ANK3: variants seen among roughly 807,000 people sequenced by gnomAD.
The protein encoded by ANK3 is ankyrin-3.
A neutral mutation model predicts 370.9 loss-of-function variants in ANK3; 57 were observed. The observed-to-expected ratio is 0.15, with a 90% CI of 0.12 to 0.19. ANK3 has a LOEUF of 0.19. Ranked by LOEUF, ANK3 falls within the 10% of genes least tolerant of loss-of-function variation. ANK3 has a pLI of 1.00. For synonymous variants in ANK3, 1,929 were observed against 1,946.3 expected, an observed-to-expected ratio of 0.99 and a Z score of 0.23; for missense variants, 4,439 against 5,302.1, an observed-to-expected ratio of 0.84 and a Z score of 5.06.
chr10:60,029,875 C>CTTTTTCTTTTTTTTTTT (rs2072915122), intron 43 of ANK3, 49 bp from the exon 44 acceptor site: 1 of 68,606 alleles, frequency 1.5e-5, no homozygotes, highest in African/African-American at 6.6e-5. Flanking sequence ...TTTTCTTTTT[C>CTTTTTCTTTTTTTTTTT]TTTTTTTTTT....
chr10:60,387,108 CG>C (rs1220227159), intron 1 of ANK3, among the ~76,000 whole-genome samples: 1 of 151,250 alleles, frequency 6.6e-6, no homozygotes, highest in Non-Finnish European at 1.5e-5. Context: ...TGCAGTGAGC[CG>C]AGATCATGCC....
chr10:60,207,391 T>C lies in ANK3; in HGVS notation c.1194+645A>G, dbSNP rs1450270032. Among the ~76,000 whole-genome samples, 4 of 152,326 alleles carry C rather than the reference T, an allele frequency of 2.6e-5. No individual in the cohort carries two copies. The East Asian group carries it at 7.7e-4, about 29-fold the overall frequency. On this transcript the variant is annotated intron_variant, in intron 10 of 43. Transcript: ENST00000280772. The stretch of plus-strand genomic sequence containing the variant: ...TTTTCCCTAAAATTGGGTGACTTAT[T>C]TTTTCCTAAACTTGGGTACTTATTC...
At chr10:60,186,987 A>T in intron 16 of ANK3, 75 bp from the exon 17 acceptor site, 1 of 1,404,580 alleles carries the variant, frequency 7.1e-7, no homozygotes, top group Non-Finnish European at 1.0e-6. Flanking sequence ...CAAATAGTTT[A>T]TGTCTCTTTC....
At chr10:60,053,657 G>A (rs1434178150) in intron 42 of ANK3, 1 of 1,301,350 alleles carries the variant, frequency 7.7e-7, no homozygotes, top group Non-Finnish European at 1.0e-6. Context: ...GGAAACAGGT[G>A]GAAAATAGCA....
rs2062907654 is a variant in ANK3 at position 60,389,523 on chromosome 10, A to G, written c.16T>C (p.Ser6Pro). Residue 6 changes from serine to proline, a missense_variant, in exon 1 of 44, where the codon TCA becomes CCA. This residue lies in a region of ANK3 where 54 missense variants were observed against 52.7 expected (regional missense o/e 1.02). Transcript: ENST00000280772. MAHAA[S>P]QLKKNRDLEI... The stretch of plus-strand genomic sequence containing the variant: ...AAATCCCTGTTTTTCTTTAATTGTG[A>G]GGCTGCATGAGCCATAATGCATTTA... The G allele has an allele frequency of 6.2e-7, 1 of 1,613,682 alleles. No individual in the cohort carries two copies. Among genetic ancestry groups the G allele is most frequent in the Admixed American group, 1.7e-5 (1 of 59,960 alleles).
At chr10:60,352,028 G>A (rs537345886) in intron 1 of ANK3, among the ~76,000 whole-genome samples, 2 of 152,348 alleles carry the variant, frequency 1.3e-5, no homozygotes, top group South Asian at 4.1e-4. Flanking sequence ...AGCACGCAGT[G>A]GCTCATGCTG....
intron 2 of ANK3, among the ~76,000 whole-genome samples, chr10:60,535,185 A>C (rs1220811001): frequency 6.6e-6 from 1 of 152,058 alleles, no homozygotes; most frequent in African/African-American, 2.4e-5. Flanking sequence ...GAAACATCCA[A>C]ATTTATTGGG....
At chr10:60,652,631 G>C (rs776348518) in intron 1 of ANK3, among the ~76,000 whole-genome samples, 7 of 149,112 alleles carry the variant, frequency 4.7e-5, no homozygotes, top group Non-Finnish European at 1.0e-4. Flanking sequence ...ATTGAGGAGG[G>C]AAGACACCAG....
At chr10:60,131,741 G>A (rs188653353) in intron 25 of ANK3, among the ~76,000 whole-genome samples, 61 of 152,310 alleles carry the variant, frequency 4.0e-4, no homozygotes, top group African/African-American at 1.4e-3. Context: ...ATGTGCAGAA[G>A]GTGGGTGGTA....
intron 43 of ANK3, 49 bp from the exon 44 acceptor site, chr10:60,029,875 C>CTTTTTCTT (rs2072915122): frequency 4.4e-5 from 3 of 68,652 alleles, no homozygotes; most frequent in African/African-American, 2.0e-4. Flanking sequence ...TTTTCTTTTT[C>CTTTTTCTT]TTTTTTTTTT....
intron 2 of ANK3, among the ~76,000 whole-genome samples, chr10:60,426,471 T>C (rs957315451): frequency 2.0e-5 from 3 of 152,104 alleles, no homozygotes; most frequent in African/African-American, 7.2e-5. Flanking sequence ...CAGGACTTTG[T>C]CTTACAATTT....
chr10:60,597,843 A>C (rs918380079), intron 2 of ANK3, among the ~76,000 whole-genome samples: 5 of 152,184 alleles, frequency 3.3e-5, no homozygotes, highest in Non-Finnish European at 7.3e-5. Context: ...TAAAATATCA[A>C]AATATTCTTA....
intron 1 of ANK3, among the ~76,000 whole-genome samples, chr10:60,722,060 T>C (rs1163456986): frequency 2.6e-5 from 4 of 152,008 alleles, no homozygotes; most frequent in Non-Finnish European, 5.9e-5. Flanking sequence ...GTTATACACA[T>C]TGAGACAGAC....
chr10:60,240,010 T>C (rs1171877804), intron 7 of ANK3, among the ~76,000 whole-genome samples: 3 of 5,520 alleles, frequency 5.4e-4, no homozygotes, highest in African/African-American at 7.8e-4. Flanking sequence ...TGTGTGAATA[T>C]ATACACATAT....
intron 1 of ANK3, chr10:60,733,155 G>A (rs1005879886): frequency 5.1e-5 from 49 of 957,086 alleles, no homozygotes; most frequent in Non-Finnish European, 6.4e-5. Flanking sequence ...GGCACCCCCA[G>A]GAGGGCAGGA....
intron 2 of ANK3, among the ~76,000 whole-genome samples, chr10:60,522,432 T>TA (rs572133617): frequency 3.6e-4 from 54 of 151,704 alleles, no homozygotes; most frequent in African/African-American, 1.3e-3. Context: ...TTTGCTAGAT[T>TA]AAAAAAAATT....
At chr10:60,176,179 C>CAAAAAA (rs1328240039) in intron 18 of ANK3, among the ~76,000 whole-genome samples, 1 of 80,088 alleles carries the variant, frequency 1.2e-5, no homozygotes, top group African/African-American at 5.0e-5. Context: ...GCTAAAAATA[C>CAAAAAA]AAAAAAAAAA....
chr10:60,182,279 G>T (rs2096215309), intron 17 of ANK3, among the ~76,000 whole-genome samples: 1 of 152,100 alleles, frequency 6.6e-6, no homozygotes, highest in Admixed American at 6.5e-5. Flanking sequence ...CCTGTGAAAT[G>T]TAATGTGAAT....
intron 1 of ANK3, among the ~76,000 whole-genome samples, chr10:60,346,924 T>G (rs2055665394): frequency 6.7e-6 from 1 of 148,314 alleles, no homozygotes; most frequent in Non-Finnish European, 1.5e-5. Context: ...GGCCCTGATA[T>G]TCTATCTTTT....
Sources: allele counts gnomAD v4.1 joint callset (sites outside exome capture counted in the v4.1 genomes callset), GRCh38; gene constraint gnomAD v4.1.1; regional missense constraint gnomAD v4.1.1; transcripts MANE v1.5; gene names NCBI Gene and HGNC (gene_info 2026-07-23, HGNC 2026-07-21).